The following VWA2 variants were observed in gnomAD, a reference collection of about 807,000 sequenced individuals.
VWA2 encodes the protein von Willebrand factor A domain containing 2, also known as von Willebrand factor A domain-containing protein 2.
In VWA2, 73 loss-of-function variants were observed where a neutral mutation model predicts 70.4. That is an observed-to-expected ratio of 1.04 (90% CI 0.86 to 1.26). The LOEUF (loss-of-function observed/expected upper bound fraction) is 1.26. Among genes scored for constraint, VWA2 ranks in the 50% most tolerant of loss-of-function variants. The probability of loss-of-function intolerance (pLI) is 0.00; values close to 1 mark genes in which losing one functional copy is unlikely to be tolerated. For synonymous variants in VWA2, 407 were observed against 423.3 expected (o/e 0.96, Z 0.47); for missense variants, 1,011 against 998.5 (o/e 1.01, Z -0.17).
intron 3 of VWA2, among the ~76,000 whole-genome samples, chr10:114,254,299 T>G (rs2037272838): frequency 6.6e-6 from 1 of 151,990 alleles, no homozygotes. Flanking sequence ...CTCGAACTCC[T>G]GAACTCAAGC....
Position 114,248,839 on chromosome 10 carries a change from G to A in VWA2, c.52+74G>A, listed in dbSNP as rs142156502. The A allele has an allele frequency of 6.8e-4, 938 of 1,386,176 alleles. 6 individuals carry two copies. The Middle Eastern group carries it at 8.1e-3, about 12-fold the overall frequency. 85.9% of individuals were successfully genotyped at this position (1,386,176 alleles called of 1,614,324 possible). On this transcript the variant is annotated intron_variant, in intron 2 of 13. Transcript: ENST00000392982. ...GGGGTTGCTTGCTTCAAATCCTGTT[G>A]ATTTTCAATTCTAAAGGTCTCTTGA...
intron 5 of VWA2, among the ~76,000 whole-genome samples, chr10:114,267,205 C>T (rs916069997): frequency 6.7e-6 from 1 of 150,338 alleles, no homozygotes; most frequent in African/African-American, 2.5e-5. Flanking sequence ...ACCTCCGCCT[C>T]CCAGGTTCAA....
At chr10:114,268,255 A>C in intron 5 of VWA2, among the ~76,000 whole-genome samples, 1 of 105,842 alleles carries the variant, frequency 9.4e-6, no homozygotes. Context: ...CCCACCCCCA[A>C]AAGTTCATAC....
In VWA2 at chr10:114,246,212, C is replaced by T. The variant is rs779093669; in HGVS notation, c.-10-2492C>T. ...CCAAGAGACCTACAAAAGAATATCA[C>T]GGGTTGGGCTGGGCATGGTGGCTCA... On this transcript the variant is annotated intron_variant, in intron 1 of 13. Transcript: ENST00000392982. The T allele has an allele frequency of 6.4e-5, 70 of 1,090,456 alleles. 1 individual carries two copies. Among genetic ancestry groups the T allele is most frequent in the Middle Eastern group, 3.0e-4 (1 of 3,284 alleles). The allele number at this position is 1,090,456 out of a possible 1,614,324, so 67.5% of individuals were successfully genotyped here.
intron 11 of VWA2, 101 bp downstream of exon 11, chr10:114,286,612 G>GAA: frequency 6.6e-6 from 7 of 1,055,812 alleles, no homozygotes; most frequent in Non-Finnish European, 9.3e-6. Context: ...GCCTCTTCTA[G>GAA]GGGCTGAAAC....
intron 8 of VWA2, chr10:114,281,376 G>A (rs531366318): frequency 6.6e-6 from 1 of 152,454 alleles, no homozygotes; most frequent in South Asian, 2.1e-4. Flanking sequence ...GTAGAGTGGG[G>A]GGATTTGGAG....
In VWA2 at chr10:114,253,653, C is replaced by A. The variant is rs1458827112; in HGVS notation, c.55C>A (p.Pro19Thr). ...GCTTCTGGTGTTTTCTCTCCTAGTG[C>A]CCCCATCTCTCCCTCTCCAGGAAGT... Reference protein sequence around the residue: ...AVCVFLFSRVPPSLPLQEVHV... With the variant: ...AVCVFLFSRVTPSLPLQEVHV... The change falls in exon 3 of 14, where the codon CCC (proline) becomes ACC (threonine). Residue 19 changes from proline (P) to threonine (T), a missense_variant and splice_region_variant. Coordinates refer to ENST00000392982, the MANE Select transcript of VWA2 (RefSeq NM_001272046.2). The A allele has an allele frequency of 1.2e-6, 2 of 1,611,578 alleles. No individual in the cohort carries two copies. Among genetic ancestry groups the A allele is most frequent in the Admixed American group, 1.7e-5 (1 of 59,868 alleles).
At chr10:114,252,573 C>A (rs899182195) in intron 2 of VWA2, among the ~76,000 whole-genome samples, 19 of 152,224 alleles carry the variant, frequency 1.2e-4, no homozygotes, top group African/African-American at 4.6e-4. Context: ...CTTGTCATCA[C>A]TTTCCTGGCA....
At chr10:114,245,161 C>T (rs1272011956) in intron 1 of VWA2, among the ~76,000 whole-genome samples, 1 of 152,200 alleles carries the variant, frequency 6.6e-6, no homozygotes, top group Non-Finnish European at 1.5e-5. Flanking sequence ...ATCCTGTGTG[C>T]ATTTGCAGAT....
At chr10:114,291,165 G>A in intron 13 of VWA2, 53 bp from the exon 14 acceptor site, 2 of 1,549,542 alleles carry the variant, frequency 1.3e-6, no homozygotes, top group South Asian at 2.4e-5. Flanking sequence ...CTGCTGGAGG[G>A]CTGAGAAGGG....
At chr10:114,253,772 T>G in intron 3 of VWA2, 47 bp downstream of exon 3, 16 of 1,529,372 alleles carry the variant, frequency 1.0e-5, no homozygotes, top group Non-Finnish European at 1.2e-5. Context: ...CTCAGACCTC[T>G]GTGTGATGGA....
At chr10:114,246,793 T>A in intron 1 of VWA2, 1 of 1,153,826 alleles carries the variant, frequency 8.7e-7, no homozygotes, top group South Asian at 1.2e-5. Context: ...AAAATTTATT[T>A]TACCATTGAC....
At chr10:114,241,139 G>A (rs749701481) in intron 1 of VWA2, among the ~76,000 whole-genome samples, 2 of 152,050 alleles carry the variant, frequency 1.3e-5, no homozygotes, top group Admixed American at 1.3e-4. Flanking sequence ...TCCTGTCCCC[G>A]CCTATGCACA....
rs2039839197 is a variant in VWA2, at chr10:114,294,005, T to C, written c.*2768T>C. 6.6e-6 allele frequency among the ~76,000 whole-genome samples: 1 copy of C among 152,226 alleles called. No homozygotes were observed. The highest frequency in any genetic ancestry group is 1.9e-4 in the East Asian group (1 of 5,204). ...AGATGAACTAAGAGTGTTTATTACA[T>C]GTTGAGATTTATGGTATGCTTTTTC... On this transcript the variant is annotated 3_prime_UTR_variant, in exon 14 of 14. Transcript: ENST00000392982.
At position 114,278,822 on chromosome 10, in the gene VWA2, G is replaced by A. The variant is rs750698718; in HGVS notation, c.804G>A (p.Ala268=). 5.0e-5 allele frequency: 80 copies of A among 1,613,160 alleles called. No individual in the cohort carries two copies. The highest frequency in any genetic ancestry group is 1.9e-4 in the Middle Eastern group (1 of 5,394). Residue 268 remains alanine (A), a synonymous_variant, in exon 8 of 14, where the codon GCG becomes GCA. Transcript: ENST00000392982. ...PCWRGSRRTL[A]VLAAHCPFYS... is the part of the protein sequence containing the mutation. ...GGAGAGGATCGCGGCGGACCCTTGCGGTGCTGGCTGCACACTGTCCCTTCT... is the reference window on the plus strand; with the variant it reads ...GGAGAGGATCGCGGCGGACCCTTGCAGTGCTGGCTGCACACTGTCCCTTCT...
At chr10:114,244,324 C>A (rs532303810) in intron 1 of VWA2, among the ~76,000 whole-genome samples, 1 of 152,294 alleles carries the variant, frequency 6.6e-6, no homozygotes, top group East Asian at 1.9e-4. Context: ...CACCTCTTAC[C>A]GGCAGCCCCA....
chr10:114,289,228 G>T lies in VWA2; in HGVS notation c.1861G>T (p.Val621Leu), dbSNP rs1448334425. Residue 621 changes from valine to leucine, a missense_variant, in exon 12 of 14, where the codon GTG (valine) becomes TTG (leucine). By Grantham distance (32) the Val-to-Leu change is conservative (BLOSUM62 1). Transcript: ENST00000392982. ...GTALLHIYDKVMTVQRGARPG... is the reference protein window; with the variant it reads ...GTALLHIYDKLMTVQRGARPG... ...CGCCCTGCTGCACATCTATGACAAA[G>T]TGATGACCGTCCAGAGGGGTGCCCG... 1 of 1,613,958 alleles carries T rather than the reference G, an allele frequency of 6.2e-7. No homozygotes were observed. Among genetic ancestry groups the T allele is most frequent in the Non-Finnish European group, 8.5e-7 (1 of 1,179,932 alleles).
At chr10:114,273,413 C>A (rs1389127580) in intron 6 of VWA2, among the ~76,000 whole-genome samples, 1 of 152,190 alleles carries the variant, frequency 6.6e-6, no homozygotes, top group East Asian at 1.9e-4. Flanking sequence ...AGAAAAGACC[C>A]CTTTCCACAG....
rs185874999 is a variant in VWA2, at chr10:114,272,393, A to C, written c.372-347A>C. 5.6e-3 allele frequency among the ~76,000 whole-genome samples: 857 copies of C among 152,230 alleles called. 5 individuals carry two copies. Among genetic ancestry groups the C allele is most frequent in the African/African-American group, 0.02 (822 of 41,492 alleles). ...CCAACCCAGGATGTTGAGCTGTAACAAGAAGATGATGCAGGGATGAGGAGA... is the reference window on the plus strand; with the variant it reads ...CCAACCCAGGATGTTGAGCTGTAACCAGAAGATGATGCAGGGATGAGGAGA... On this transcript the variant is annotated intron_variant, in intron 5 of 13. Transcript: ENST00000392982.
Sources: gnomAD v4.1 joint callset for allele counts (sites outside exome capture counted in the v4.1 genomes callset) on GRCh38, gnomAD v4.1.1 for gene constraint, MANE v1.5 for transcripts, NCBI Gene and HGNC (gene_info 2026-07-23, HGNC 2026-07-21) for gene names.